Variants in LOXL3 observed in about 807,000 individuals in gnomAD.
LOXL3 encodes lysyl oxidase homolog 3.
Under a neutral mutation model 91.8 loss-of-function variants are expected in LOXL3, and 60 were observed. The ratio of observed to expected loss-of-function variants is 0.65; its 90% CI spans 0.53 to 0.81. LOXL3 has a LOEUF of 0.81. Among genes scored for constraint, LOXL3 ranks in the 30% least tolerant of loss-of-function variants. The pLI is 0.00. For synonymous variants in LOXL3, 355 were observed against 387.6 expected, an observed-to-expected ratio of 0.92 and a Z score of 0.99; for missense variants, 874 against 1,000.4, an observed-to-expected ratio of 0.87 and a Z score of 1.70.
chr2:74,551,370 C>T (rs1030901556), intron 2 of LOXL3, among the ~76,000 whole-genome samples: 2 of 152,230 alleles, frequency 1.3e-5, no homozygotes, highest in African/African-American at 4.8e-5. Flanking sequence ...ACACCTAGCT[C>T]CTGCCCCACC....
upstream of LOXL3, chr2:74,554,944 A>G (rs1244466931): frequency 6.7e-7 from 1 of 1,496,578 alleles, no homozygotes; most frequent in East Asian, 2.5e-5. The surrounding 1 kb of genome is among the most constrained non-coding windows in gnomAD (Gnocchi z 4.9). Context: ...TTTCCCGTGA[A>G]GTTGCTTTGC....
chr2:74,537,067 T>G (rs963947896), intron 4 of LOXL3, 139 bp from the exon 5 acceptor site: 3 of 718,526 alleles, frequency 4.2e-6, no homozygotes, highest in Non-Finnish European at 7.0e-6. Flanking sequence ...CCCCCTTCCA[T>G]GTTTCCCTCG....
intron 4 of LOXL3, among the ~76,000 whole-genome samples, chr2:74,541,670 C>A (rs1338742323): frequency 6.6e-6 from 1 of 151,988 alleles, no homozygotes; most frequent in Non-Finnish European, 1.5e-5. Context: ...ACCTTGATCT[C>A]CAGAGTAGTA....
rs1558629671 is a variant in LOXL3, at chr2:74,549,741, G to A, written c.478-158C>T. On this transcript the variant is annotated intron_variant, in intron 3 of 13. Coordinates refer to ENST00000264094, the MANE Select transcript of LOXL3 (RefSeq NM_032603.5). This position sits in a 1 kb window ranked among gnomAD's most constrained non-coding sequence, Gnocchi z 5.3. ...AGCGGCCACGATGGCCGCAGTCCGC[G>A]GTGTGGACTCTCTTGCAGCCAGCAG... 1.4e-6 allele frequency: 2 copies of A among 1,440,628 alleles called. No homozygotes were observed. Among genetic ancestry groups the A allele is most frequent in the Non-Finnish European group, 9.1e-7 (1 of 1,096,270 alleles). 89.2% of individuals were successfully genotyped at this position (1,440,628 alleles called of 1,614,324 possible). A position where few individuals can be genotyped will look rare whatever the true frequency, so the allele number is the denominator to read the frequency against.
intron 1 of LOXL3, among the ~76,000 whole-genome samples, 188 bp downstream of exon 1, chr2:74,553,688 C>G (rs957047356): frequency 1.3e-5 from 2 of 152,154 alleles, no homozygotes; most frequent in African/African-American, 4.8e-5. Context: ...TGTTCGAACA[C>G]CCGTAGCCCC....
In LOXL3 at chr2:74,536,299, A is replaced by G; in HGVS notation, c.1085T>C (p.Met362Thr). 6.2e-7 allele frequency: 1 copy of G among 1,613,498 alleles called. No homozygotes were observed. The highest frequency in any genetic ancestry group is 1.1e-5 in the South Asian group (1 of 91,050). ...SAREALSGAR[M>T]GQGMGAIHLS... ...CCTCCATGCCACCTCACCCTGCCCC[A>G]TGCGAGCGCCACTCAGAGCTTCTCG... The change falls in exon 6 of 14, where the codon ATG (methionine) becomes ACG (threonine). Residue 362 changes from methionine to threonine, a missense_variant. Transcript: ENST00000264094. The surrounding 1 kb of genome is among the most constrained non-coding windows in gnomAD (Gnocchi z 4.5).
At chr2:74,544,300 CA>C (rs922633376) in intron 4 of LOXL3, among the ~76,000 whole-genome samples, 4 of 151,530 alleles carry the variant, frequency 2.6e-5, no homozygotes, top group Non-Finnish European at 5.9e-5. Flanking sequence ...GACTCCCTCT[CA>C]AAAAAACAAA....
upstream of LOXL3, chr2:74,554,636 C>A (rs969657284): frequency 4.2e-6 from 4 of 963,008 alleles, no homozygotes; most frequent in Non-Finnish European, 6.2e-6. The surrounding 1 kb of genome is among the most constrained non-coding windows in gnomAD (Gnocchi z 4.9). Context: ...CCGCGACCCC[C>A]CCAGCGGCTG....
rs1292626436 is a variant in LOXL3 at position 74,535,758 on chromosome 2, G to A, written c.1249-3C>T. 3.2e-6 allele frequency: 5 copies of A among 1,555,552 alleles called. No homozygotes were observed. In the South Asian group the frequency reaches 6.2e-5, roughly 19 times the overall value. Reference sequence around the variant, plus strand: ...CTGCGGCCCCCACTGAGTCGGATCTGTAGTGACACAGAATGGAAGCGCTGG... The same window carrying A: ...CTGCGGCCCCCACTGAGTCGGATCTATAGTGACACAGAATGGAAGCGCTGG... On this transcript the variant is annotated splice_polypyrimidine_tract_variant and splice_region_variant and intron_variant, in intron 7 of 13. Transcript: ENST00000264094. This position sits in a 1 kb window ranked among gnomAD's most constrained non-coding sequence, Gnocchi z 4.2.
chr2:74,532,629 G>T lies in LOXL3; in HGVS notation c.*977C>A. Reference sequence around the variant, plus strand: ...TCTGTGTACTTTCAGCATCCTTGCTGAACTACAGCTTCGAGAACCAAGCTT... The same window carrying T: ...TCTGTGTACTTTCAGCATCCTTGCTTAACTACAGCTTCGAGAACCAAGCTT... On this transcript the variant is annotated 3_prime_UTR_variant, in exon 14 of 14. Transcript: ENST00000264094. The T allele has an allele frequency of 6.2e-7, 1 of 1,613,386 alleles. No homozygotes were observed. Among genetic ancestry groups the T allele is most frequent in the South Asian group, 1.1e-5 (1 of 90,924 alleles).
chr2:74,534,447 A>T lies in LOXL3; in HGVS notation c.1824-16T>A. Reference sequence around the variant, plus strand: ...GTGGTAATGCCTGTGGGGAGAAGGGAACTTCTGTTTCCTTCTCTGCCCCCA... The same window carrying T: ...GTGGTAATGCCTGTGGGGAGAAGGGTACTTCTGTTTCCTTCTCTGCCCCCA... On this transcript the variant is annotated splice_polypyrimidine_tract_variant and intron_variant, in intron 10 of 13. Coordinates refer to ENST00000264094, the MANE Select transcript of LOXL3 (RefSeq NM_032603.5). The T allele has an allele frequency of 1.2e-6, 2 of 1,613,826 alleles. No individual in the cohort carries two copies. Among genetic ancestry groups the T allele is most frequent in the Non-Finnish European group, 1.7e-6 (2 of 1,179,810 alleles).
rs528289078 is a variant in LOXL3 at position 74,543,153 on chromosome 2, G to A, written c.692+6216C>T. ...AATTTCCAGAGTGGCTCCCCAGGGA[G>A]CAGGGCTGACTCCTAGGCAGTGTGC... On this transcript the variant is annotated intron_variant, in intron 4 of 13. Coordinates refer to ENST00000264094, the MANE Select transcript of LOXL3 (RefSeq NM_032603.5). Among the ~76,000 whole-genome samples, 41 of 152,296 alleles carry A rather than the reference G, an allele frequency of 2.7e-4. 1 individual carries two copies. The highest frequency in any genetic ancestry group is 2.5e-3 in the East Asian group (13 of 5,182).
chr2:74,535,198 AG>A lies in LOXL3; in HGVS notation c.1579+93del. On this transcript the variant is annotated intron_variant, in intron 9 of 13. Coordinates refer to ENST00000264094, the MANE Select transcript of LOXL3 (RefSeq NM_032603.5). The surrounding 1 kb of genome is among the most constrained non-coding windows in gnomAD (Gnocchi z 4.2). The stretch of plus-strand genomic sequence containing the variant: ...GGCGAAACTGGCTCTTTTATGGGGA[AG>A]AAGTGCCCCTCCAGATTACAGCCCC... 1.4e-6 allele frequency: 2 copies of A among 1,409,670 alleles called. No individual in the cohort carries two copies. The highest frequency in any genetic ancestry group is 1.9e-6 in the Non-Finnish European group (2 of 1,043,862). The allele number at this position is 1,409,670 out of a possible 1,614,324, so 87.3% of individuals were successfully genotyped here.
In LOXL3 at chr2:74,536,236, C is replaced by T. The variant is rs528211036; in HGVS notation, c.1093+55G>A. The T allele has an allele frequency of 9.3e-6, 15 of 1,610,670 alleles. No homozygotes were observed. The East Asian group carries it at 2.7e-4, about 29-fold the overall frequency. ...ACACCTAACCTTCCGAAGGAATATG[C>T]CCCCCAGGAGCATGTACCTCCTTCC... On this transcript the variant is annotated intron_variant, in intron 6 of 13. Transcript: ENST00000264094. The surrounding 1 kb of genome is among the most constrained non-coding windows in gnomAD (Gnocchi z 4.5).
In LOXL3 at chr2:74,536,427, C is replaced by T. The variant is rs530882170; in HGVS notation, c.957G>A (p.Arg319=). ...ATGTGCTGGCCTTCAGGACTTCTAC[C>T]CGGCCCTCTCCAGGGTGGGCGCCGC... The part of the protein sequence containing the change: ...LKGGAHPGEG[R]VEVLKASTWG... The change falls in exon 6 of 14, where the codon CGG becomes CGA. Residue 319 remains arginine (R), a synonymous_variant. Coordinates refer to ENST00000264094, the MANE Select transcript of LOXL3 (RefSeq NM_032603.5). The surrounding 1 kb of genome is among the most constrained non-coding windows in gnomAD (Gnocchi z 4.5). 2 of 1,614,140 alleles carry T rather than the reference C, an allele frequency of 1.2e-6. No individual in the cohort carries two copies. Among genetic ancestry groups the T allele is most frequent in the Admixed American group, 1.7e-5 (1 of 60,018 alleles).
chr2:74,532,714 G>A lies in LOXL3; in HGVS notation c.*892C>T, dbSNP rs767006508. ...GTCATCCTGGGCTCCCCTGCACACCGGTGAGGGAGAGGCTGCAGTGTGATA... is the reference window on the plus strand; with the variant it reads ...GTCATCCTGGGCTCCCCTGCACACCAGTGAGGGAGAGGCTGCAGTGTGATA... On this transcript the variant is annotated 3_prime_UTR_variant, in exon 14 of 14. Transcript: ENST00000264094. The A allele has an allele frequency of 8.7e-6, 14 of 1,613,412 alleles. No homozygotes were observed. Among genetic ancestry groups the A allele is most frequent in the South Asian group, 3.3e-5 (3 of 91,064 alleles).
At chr2:74,554,750 G>T (rs757047878), upstream of LOXL3, 7 of 1,613,278 alleles carry the variant, frequency 4.3e-6, no homozygotes, top group East Asian at 1.1e-4. This position sits in a 1 kb window ranked among gnomAD's most constrained non-coding sequence, Gnocchi z 4.9. Flanking sequence ...GAACCGCCGG[G>T]GGCCATGGAC....
Position 74,536,671 on chromosome 2 carries a change from C to T in LOXL3, c.912+38G>A. Reference sequence around the variant, plus strand: ...GGGTTGCCAGGCTAGGGGTTCTCCACCTGGGGTGGGAAAGGTCATAATCAC... The same window carrying T: ...GGGTTGCCAGGCTAGGGGTTCTCCATCTGGGGTGGGAAAGGTCATAATCAC... On this transcript the variant is annotated intron_variant, in intron 5 of 13. Coordinates refer to ENST00000264094, the MANE Select transcript of LOXL3 (RefSeq NM_032603.5). The surrounding 1 kb of genome is among the most constrained non-coding windows in gnomAD (Gnocchi z 4.5). The T allele has an allele frequency of 6.2e-7, 1 of 1,601,960 alleles. No homozygotes were observed. Among genetic ancestry groups the T allele is most frequent in the African/African-American group, 1.3e-5 (1 of 74,856 alleles).
At position 74,533,356 on chromosome 2, in the gene LOXL3, G is replaced by A. The variant is rs1036964953; in HGVS notation, c.*250C>T. On this transcript the variant is annotated 3_prime_UTR_variant, in exon 14 of 14. Transcript: ENST00000264094. Reference sequence around the variant, plus strand: ...CAGTTAGTCAGGTGCTGCTCTTTGTGGTGTGGTGGGCTCTGGTCTGTTCTG... The same window carrying A: ...CAGTTAGTCAGGTGCTGCTCTTTGTAGTGTGGTGGGCTCTGGTCTGTTCTG... 12 of 540,826 alleles carry A rather than the reference G, an allele frequency of 2.2e-5. No homozygotes were observed. In the South Asian group the frequency reaches 2.7e-4, roughly 12 times the overall value. 33.5% of individuals were successfully genotyped at this position (540,826 alleles called of 1,614,324 possible). A position where few individuals can be genotyped will look rare whatever the true frequency, so the allele number is the denominator to read the frequency against.
Sources: allele counts gnomAD v4.1 joint callset (sites outside exome capture counted in the v4.1 genomes callset), GRCh38; gene constraint gnomAD v4.1.1; non-coding constraint Gnocchi (gnomAD v3.1); transcripts MANE v1.5; gene names NCBI Gene and HGNC (gene_info 2026-07-23, HGNC 2026-07-21).